The following IL15 variants were observed in gnomAD, a reference collection of about 807,000 sequenced individuals.
IL15 encodes interleukin-15.
A neutral mutation model predicts 19.6 loss-of-function variants in IL15; 11 were observed. That is an observed-to-expected ratio of 0.56 (90% CI 0.35 to 0.93). The LOEUF (loss-of-function observed/expected upper bound fraction) is 0.93. Among genes scored for constraint, IL15 ranks in the 40% least tolerant of loss-of-function variants. IL15 has a pLI of 0.01. For missense variants in IL15, 197 were observed against 186.5 expected (o/e 1.06, Z -0.33); for synonymous variants, 58 against 59.6 (o/e 0.97, Z 0.12).
chr4:141,727,931 T>G lies in IL15; in HGVS notation c.196-9T>G. The G allele has an allele frequency of 8.5e-7, 1 of 1,171,210 alleles. No individual in the cohort carries two copies. Among genetic ancestry groups the G allele is most frequent in the Admixed American group, 2.0e-5 (1 of 50,088 alleles). 72.6% of individuals were successfully genotyped at this position (1,171,210 alleles called of 1,614,324 possible). A position where few individuals can be genotyped will look rare whatever the true frequency, so the allele number is the denominator to read the frequency against. ...GTTTTTAATATTGTCTAATTTTGTT[T>G]CCTTTCAGTCTATGCATATTGATGC... On this transcript the variant is annotated splice_polypyrimidine_tract_variant and intron_variant, in intron 5 of 7. Coordinates refer to ENST00000320650, the MANE Select transcript of IL15 (RefSeq NM_000585.5).
At chr4:141,690,931 G>T (rs1464935032) in intron 2 of IL15, among the ~76,000 whole-genome samples, 1 of 152,054 alleles carries the variant, frequency 6.6e-6, no homozygotes, top group Admixed American at 6.5e-5. Flanking sequence ...CTTTTCTTCT[G>T]TATTAGATTA....
chr4:141,651,213 C>CAT (rs138352584), intron 1 of IL15, among the ~76,000 whole-genome samples: 138 of 151,514 alleles, frequency 9.1e-4, no homozygotes, highest in South Asian at 2.3e-3. Flanking sequence ...TATATAAACA[C>CAT]ATATATATAC....
At chr4:141,703,690 T>C (rs1293125750) in intron 2 of IL15, among the ~76,000 whole-genome samples, 1 of 150,084 alleles carries the variant, frequency 6.7e-6, no homozygotes, top group East Asian at 2.0e-4. Context: ...TTTCCAGTTT[T>C]CCCAGTGGGA....
At chr4:141,699,753 T>C (rs60177367) in intron 2 of IL15, among the ~76,000 whole-genome samples, 3,933 of 152,236 alleles carry the variant, frequency 0.026, 173 homozygotes, top group African/African-American at 0.089. Context: ...ACAACAGATA[T>C]TTGGTTAGTG....
chr4:141,686,819 ATAT>A (rs1728728380), intron 2 of IL15, among the ~76,000 whole-genome samples: 1 of 152,198 alleles, frequency 6.6e-6, no homozygotes, highest in Non-Finnish European at 1.5e-5. Context: ...TTATCATCAA[ATAT>A]TATTGTTACT....
At chr4:141,661,068 G>A (rs1055998239) in intron 2 of IL15, among the ~76,000 whole-genome samples, 6 of 152,156 alleles carry the variant, frequency 3.9e-5, no homozygotes, top group African/African-American at 1.4e-4. Context: ...AGAAAATTAT[G>A]AGAATGGCAT....
chr4:141,728,457 T>A (rs1730341757), intron 6 of IL15, among the ~76,000 whole-genome samples: 1 of 152,124 alleles, frequency 6.6e-6, no homozygotes, highest in African/African-American at 2.4e-5. Context: ...TTATTCTCTA[T>A]GTGAGAAAGG....
At chr4:141,642,701 G>T (rs964152211) in intron 1 of IL15, among the ~76,000 whole-genome samples, 11 of 152,142 alleles carry the variant, frequency 7.2e-5, no homozygotes, top group African/African-American at 2.2e-4. Context: ...AGCCTTCATG[G>T]GTCCTGCTCA....
intron 1 of IL15, among the ~76,000 whole-genome samples, chr4:141,645,189 G>T (rs956446052): frequency 1.3e-4 from 20 of 152,128 alleles, no homozygotes; most frequent in Non-Finnish European, 1.6e-4. Context: ...TTAGATAAAA[G>T]ACATAACCAG....
intron 2 of IL15, among the ~76,000 whole-genome samples, chr4:141,680,856 C>A (rs148089027): frequency 2.0e-3 from 303 of 152,200 alleles, no homozygotes; most frequent in African/African-American, 7.0e-3. Flanking sequence ...CTTTCATTAC[C>A]CTAGGTAGAG....
At chr4:141,700,738 G>C (rs1729263236) in intron 2 of IL15, among the ~76,000 whole-genome samples, 1 of 152,050 alleles carries the variant, frequency 6.6e-6, no homozygotes, top group Admixed American at 6.5e-5. Context: ...TTATACTTCT[G>C]TTCTCCATCC....
At chr4:141,678,209 T>C (rs1046550636) in intron 2 of IL15, among the ~76,000 whole-genome samples, 1 of 152,184 alleles carries the variant, frequency 6.6e-6, no homozygotes, top group African/African-American at 2.4e-5. Flanking sequence ...ATGCCCCATA[T>C]ATTTCTGTGA....
intron 1 of IL15, among the ~76,000 whole-genome samples, chr4:141,643,784 T>A (rs1033890203): frequency 2.6e-5 from 4 of 151,992 alleles, no homozygotes; most frequent in South Asian, 2.1e-4. Flanking sequence ...CCTTCTTACA[T>A]TGATGATTCA....
At chr4:141,709,485 G>A (rs770922123) in intron 2 of IL15, among the ~76,000 whole-genome samples, 5 of 152,114 alleles carry the variant, frequency 3.3e-5, no homozygotes, top group Non-Finnish European at 7.4e-5. Flanking sequence ...TTATGAGCCA[G>A]CTTTTAAGCC....
chr4:141,730,063 A>G (rs1730401911), intron 7 of IL15, 79 bp downstream of exon 7: 2 of 1,155,832 alleles, frequency 1.7e-6, no homozygotes, highest in East Asian at 4.7e-5. Context: ...GGACAAGCAG[A>G]TCCTCCTAAG....
intron 2 of IL15, among the ~76,000 whole-genome samples, chr4:141,686,073 G>A (rs1007017637): frequency 2.6e-5 from 4 of 151,982 alleles, no homozygotes; most frequent in African/African-American, 9.7e-5. Flanking sequence ...GAGACGGGCA[G>A]ATTACAAGGT....
At chr4:141,708,004 C>T (rs1049738783) in intron 2 of IL15, among the ~76,000 whole-genome samples, 7 of 152,284 alleles carry the variant, frequency 4.6e-5, no homozygotes, top group East Asian at 1.9e-4. Context: ...GACTGGATGT[C>T]GGGCTGCATG....
intron 6 of IL15, among the ~76,000 whole-genome samples, chr4:141,728,945 A>T (rs183270064): frequency 1.2e-3 from 189 of 152,212 alleles, no homozygotes; most frequent in Non-Finnish European, 2.1e-3. Flanking sequence ...TAGATTTTAG[A>T]TTTTAGATTT....
intron 2 of IL15, among the ~76,000 whole-genome samples, chr4:141,714,278 T>C (rs1729801980): frequency 6.6e-6 from 1 of 152,068 alleles, no homozygotes; most frequent in African/African-American, 2.4e-5. Context: ...CGCCCCCTCT[T>C]GGAGGTGAGC....
Sources: allele counts gnomAD v4.1 joint callset (sites outside exome capture counted in the v4.1 genomes callset), GRCh38; gene constraint gnomAD v4.1.1; transcripts MANE v1.5; gene names NCBI Gene and HGNC (gene_info 2026-07-23, HGNC 2026-07-21).